The following CTNNA2 variants were observed in gnomAD, a reference collection of about 807,000 sequenced individuals.
The protein encoded by CTNNA2 is catenin alpha-2.
Under a neutral mutation model 101.0 loss-of-function variants are expected in CTNNA2, and 42 were observed. The ratio of observed to expected loss-of-function variants is 0.42; its 90% CI spans 0.32 to 0.54. CTNNA2 has a LOEUF of 0.54. Among genes scored for constraint, CTNNA2 ranks in the 20% least tolerant of loss-of-function variants. CTNNA2 has a pLI of 0.14. For synonymous variants in CTNNA2, 450 were observed against 456.4 expected, an observed-to-expected ratio of 0.99 and a Z score of 0.18; for missense variants, 871 against 1,223.1, an observed-to-expected ratio of 0.71 and a Z score of 4.29.
chr2:79,220,893 C>T (rs1325773212), intron 2 of CTNNA2, among the ~76,000 whole-genome samples: 11 of 152,014 alleles, frequency 7.2e-5, no homozygotes. Context: ...CTTTCTCAAT[C>T]GGAAGGGATC....
intron 7 of CTNNA2, among the ~76,000 whole-genome samples, chr2:80,176,482 T>C (rs528651583): frequency 1.3e-5 from 2 of 152,360 alleles, no homozygotes; most frequent in African/African-American, 4.8e-5. Flanking sequence ...TCATAGCTGG[T>C]ATTGATGACT....
chr2:80,597,571 CCCAT>C (rs1407121045), intron 15 of CTNNA2, among the ~76,000 whole-genome samples: 1 of 152,044 alleles, frequency 6.6e-6, no homozygotes, highest in Non-Finnish European at 1.5e-5. Context: ...TTATAAATTA[CCCAT>C]CTGGCAAGGG....
chr2:79,325,604 G>A lies in CTNNA2; in HGVS notation c.-318+12808G>A, dbSNP rs569555835. Among the ~76,000 whole-genome samples the A allele has an allele frequency of 9.8e-5, 15 of 152,314 alleles. No individual in the cohort carries two copies. The South Asian group carries it at 3.1e-3, about 32-fold the overall frequency. On this transcript the variant is annotated intron_variant, in intron 3 of 21. Coordinates refer to the CTNNA2 transcript ENST00000466387. ...CAGTGTCCCCAGTGCATTGTGAAAT[G>A]ATAGCAATGGAACAATGCTGCCCAG...
chr2:80,362,990 G>A (rs1186042187), intron 7 of CTNNA2, among the ~76,000 whole-genome samples: 2 of 121,572 alleles, frequency 1.6e-5, no homozygotes, highest in Non-Finnish European at 3.2e-5. Flanking sequence ...GGGCAACATA[G>A]CAAGACATCG....
chr2:79,425,113 T>TA, intron 4 of CTNNA2, among the ~76,000 whole-genome samples: 1 of 152,016 alleles, frequency 6.6e-6, no homozygotes, highest in Non-Finnish European at 1.5e-5. Flanking sequence ...GTAAAGGCAA[T>TA]AAAAAATCCT....
chr2:80,326,638 T>A (rs1482667066), intron 7 of CTNNA2, among the ~76,000 whole-genome samples: 1 of 152,054 alleles, frequency 6.6e-6, no homozygotes, highest in East Asian at 1.9e-4. Flanking sequence ...AGCCAATAGT[T>A]CTAATTTTTT....
chr2:80,644,946 A>C (rs1023658749), intron 18 of CTNNA2, among the ~76,000 whole-genome samples: 5 of 152,178 alleles, frequency 3.3e-5, no homozygotes, highest in African/African-American at 1.2e-4. Context: ...TTGCTGCAGA[A>C]TTAAACACCA....
chr2:79,468,787 C>A (rs1670966538), intron 4 of CTNNA2, among the ~76,000 whole-genome samples: 2 of 152,072 alleles, frequency 1.3e-5, no homozygotes, highest in South Asian at 4.1e-4. Context: ...TTACTGGGTA[C>A]ATAACGAAAT....
chr2:79,697,103 A>G (rs1304704297), intron 2 of CTNNA2, among the ~76,000 whole-genome samples: 2 of 152,066 alleles, frequency 1.3e-5, no homozygotes, highest in Non-Finnish European at 2.9e-5. Context: ...TCATAGTCAT[A>G]TTTAGAACAG....
At chr2:79,838,458 C>T (rs1679558743) in intron 3 of CTNNA2, among the ~76,000 whole-genome samples, 1 of 151,878 alleles carries the variant, frequency 6.6e-6, no homozygotes, top group Non-Finnish European at 1.5e-5. Flanking sequence ...GAATATATGC[C>T]AAAACAATAG....
At chr2:79,999,184 C>G (rs1692758723) in intron 7 of CTNNA2, among the ~76,000 whole-genome samples, 1 of 152,238 alleles carries the variant, frequency 6.6e-6, no homozygotes, top group African/African-American at 2.4e-5. Context: ...CACCAGCTCC[C>G]CCATAAACCT....
At chr2:80,563,344 A>G (rs1693772830) in intron 12 of CTNNA2, among the ~76,000 whole-genome samples, 1 of 152,208 alleles carries the variant, frequency 6.6e-6, no homozygotes, top group Admixed American at 6.6e-5. Flanking sequence ...AGGTGTTTGA[A>G]TCAGAGGAAG....
At chr2:80,439,115 G>A (rs536083313) in intron 9 of CTNNA2, among the ~76,000 whole-genome samples, 6 of 152,214 alleles carry the variant, frequency 3.9e-5, no homozygotes, top group Admixed American at 3.9e-4. Context: ...AATATATCAC[G>A]TAATTATGAG....
chr2:79,863,401 A>G (rs7560784), intron 4 of CTNNA2, among the ~76,000 whole-genome samples: 36,819 of 151,944 alleles, frequency 0.24, 5,044 homozygotes, highest in East Asian at 0.55. Flanking sequence ...GGTCTCATTG[A>G]ACTAAATGAG....
intron 3 of CTNNA2, among the ~76,000 whole-genome samples, chr2:79,754,715 T>C (rs1403314623): frequency 6.6e-6 from 1 of 152,102 alleles, no homozygotes; most frequent in Non-Finnish European, 1.5e-5. Context: ...GATATTGGGC[T>C]TCCTTTCTGT....
chr2:79,294,848 G>T (rs962079101), intron 2 of CTNNA2, among the ~76,000 whole-genome samples: 1 of 151,922 alleles, frequency 6.6e-6, no homozygotes, highest in Non-Finnish European at 1.5e-5. Flanking sequence ...ATTATCTATT[G>T]TGTCATTATC....
chr2:79,317,257 C>A (rs1204922091), intron 3 of CTNNA2, among the ~76,000 whole-genome samples: 2 of 151,960 alleles, frequency 1.3e-5, no homozygotes, highest in Non-Finnish European at 2.9e-5. Context: ...TGGGATAAAT[C>A]CGACTTGATT....
intron 7 of CTNNA2, among the ~76,000 whole-genome samples, chr2:80,015,565 T>G (rs1043146315): frequency 9.2e-5 from 14 of 152,138 alleles, no homozygotes; most frequent in African/African-American, 3.4e-4. Flanking sequence ...GAATTTGGTG[T>G]GTGCAGAAGG....
intron 2 of CTNNA2, among the ~76,000 whole-genome samples, chr2:79,731,175 C>T (rs762454164): frequency 6.6e-6 from 1 of 151,844 alleles, no homozygotes; most frequent in African/African-American, 2.4e-5. Flanking sequence ...TGCCTTTACC[C>T]GCTATACTTA....
Sources: allele counts gnomAD v4.1 joint callset (sites outside exome capture counted in the v4.1 genomes callset), GRCh38; gene constraint gnomAD v4.1.1; transcripts MANE v1.5; gene names NCBI Gene and HGNC (gene_info 2026-07-23, HGNC 2026-07-21).